PRKAR1B: variants seen among roughly 807,000 people sequenced by gnomAD.
PRKAR1B encodes the protein protein kinase cAMP-dependent type I regulatory subunit beta.
PRKAR1B carries 22 observed loss-of-function variants against 46.5 expected under a neutral mutation model. The ratio of observed to expected loss-of-function variants is 0.47; its 90% CI spans 0.34 to 0.68. The LOEUF is 0.68. Among genes scored for constraint, PRKAR1B ranks in the 30% least tolerant of loss-of-function variants. PRKAR1B has a pLI of 0.01. For synonymous variants in PRKAR1B, 259 were observed against 217.7 expected, an observed-to-expected ratio of 1.19 and a Z score of -1.67; for missense variants, 445 against 535.6, an observed-to-expected ratio of 0.83 and a Z score of 1.67.
intron 4 of PRKAR1B, among the ~76,000 whole-genome samples, chr7:652,010 G>A (rs1286836778): frequency 1.2e-5 from 1 of 82,068 alleles, no homozygotes. Flanking sequence ...AGGAACCTGG[G>A]GAAACCCCTC....
At chr7:614,312 C>T (rs1039724802) in intron 4 of PRKAR1B, among the ~76,000 whole-genome samples, 2 of 152,228 alleles carry the variant, frequency 1.3e-5, no homozygotes, top group Non-Finnish European at 2.9e-5. Flanking sequence ...TGGTGGAACA[C>T]GGCTAAGACC....
At chr7:618,213 A>C (rs1782937068) in intron 4 of PRKAR1B, among the ~76,000 whole-genome samples, 2 of 152,198 alleles carry the variant, frequency 1.3e-5, no homozygotes, top group African/African-American at 4.8e-5. Context: ...CTGGGGCCAC[A>C]GGGCAGCAAA....
intron 9 of PRKAR1B, among the ~76,000 whole-genome samples, chr7:553,801 C>A (rs1182748910): frequency 6.6e-6 from 1 of 152,262 alleles, no homozygotes; most frequent in African/African-American, 2.4e-5. Context: ...CAGGCACCAA[C>A]TGGCAGCCCC....
chr7:663,025 G>T (rs1190628357), intron 4 of PRKAR1B, among the ~76,000 whole-genome samples: 1 of 152,114 alleles, frequency 6.6e-6, no homozygotes, highest in Admixed American at 6.5e-5. Flanking sequence ...CCTGAAAGAG[G>T]CCCCAAGACA....
chr7:689,535 G>A (rs1326479833), intron 2 of PRKAR1B, among the ~76,000 whole-genome samples: 1 of 152,062 alleles, frequency 6.6e-6, no homozygotes, highest in Non-Finnish European at 1.5e-5. Context: ...GAGTAACCCA[G>A]GATACATTAA....
In PRKAR1B at chr7:598,106, G is replaced by A. The variant is rs138864683; in HGVS notation, c.550-1802C>T. On this transcript the variant is annotated intron_variant, in intron 6 of 10. Coordinates refer to ENST00000537384, the MANE Select transcript of PRKAR1B (RefSeq NM_001164760.2). ...GACATGCACGCCTGGGGTGGCAGTCGCCACTGGCACAGCTTCAGGAGGCAT... is the reference window on the plus strand; with the variant it reads ...GACATGCACGCCTGGGGTGGCAGTCACCACTGGCACAGCTTCAGGAGGCAT... 2.4e-3 allele frequency among the ~76,000 whole-genome samples: 366 copies of A among 152,232 alleles called. 1 individual carries two copies. Among genetic ancestry groups the A allele is most frequent in the African/African-American group, 8.1e-3 (335 of 41,538 alleles).
At chr7:607,089 C>T (rs1467214021) in intron 5 of PRKAR1B, among the ~76,000 whole-genome samples, 3 of 152,094 alleles carry the variant, frequency 2.0e-5, no homozygotes, top group Admixed American at 1.3e-4. Flanking sequence ...CTGCAACCTC[C>T]GCCTCCCAGG....
At chr7:665,545 T>A (rs1785863282) in intron 4 of PRKAR1B, among the ~76,000 whole-genome samples, 1 of 152,206 alleles carries the variant, frequency 6.6e-6, no homozygotes, top group African/African-American at 2.4e-5. Flanking sequence ...TGGCCCCTGA[T>A]TTGCTAACCT....
At chr7:668,360 G>A (rs969762668) in intron 4 of PRKAR1B, among the ~76,000 whole-genome samples, 52 of 152,188 alleles carry the variant, frequency 3.4e-4, no homozygotes, top group African/African-American at 1.2e-3. Flanking sequence ...GAGACATCAC[G>A]TGAAAGGTCC....
intron 8 of PRKAR1B, among the ~76,000 whole-genome samples, chr7:581,739 A>AG (rs1757744635): frequency 6.6e-6 from 1 of 152,134 alleles, no homozygotes; most frequent in South Asian, 2.1e-4. Context: ...TTCAAGAGAC[A>AG]GGGTCTCGCT....
chr7:594,032 A>C (rs189180241), intron 7 of PRKAR1B, among the ~76,000 whole-genome samples: 12 of 152,068 alleles, frequency 7.9e-5, no homozygotes, highest in Admixed American at 7.2e-4. Context: ...CTTGTTCCCC[A>C]ATCAGACGAC....
rs1452673756 is a variant in PRKAR1B, at chr7:593,504, A to T, written c.708+2642T>A. ...TGGTTTGGGAACTTCCCTGAATATAAGGTTCCAGCCACAAAAATCCCCCAG... is the reference window on the plus strand; with the variant it reads ...TGGTTTGGGAACTTCCCTGAATATATGGTTCCAGCCACAAAAATCCCCCAG... On this transcript the variant is annotated intron_variant, in intron 7 of 10. Coordinates refer to ENST00000537384, the MANE Select transcript of PRKAR1B (RefSeq NM_001164760.2). This position sits in a 1 kb window ranked among gnomAD's most constrained non-coding sequence, Gnocchi z 6.1. Among the ~76,000 whole-genome samples the T allele has an allele frequency of 2.6e-5, 4 of 152,142 alleles. No homozygotes were observed. Among genetic ancestry groups the T allele is most frequent in the Non-Finnish European group, 4.4e-5 (3 of 68,016 alleles).
chr7:724,638 C>T (rs1470709638), intron 1 of PRKAR1B, among the ~76,000 whole-genome samples: 1 of 152,234 alleles, frequency 6.6e-6, no homozygotes, highest in African/African-American at 2.4e-5. Context: ...TCATATTTCA[C>T]CTCTGCTACC....
chr7:687,989 G>C lies in PRKAR1B; in HGVS notation c.178-7263C>G, dbSNP rs368736719. The stretch of plus-strand genomic sequence containing the variant: ...CAGGCACCTGTAATTCCAGCTCCTC[G>C]GGAGGCTCAGGCAGGAGAATCATTT... On this transcript the variant is annotated intron_variant, in intron 2 of 10. Coordinates refer to ENST00000537384, the MANE Select transcript of PRKAR1B (RefSeq NM_001164760.2). 2.6e-5 allele frequency among the ~76,000 whole-genome samples: 4 copies of C among 151,420 alleles called. No individual in the cohort carries two copies. In the South Asian group the frequency reaches 6.3e-4, roughly 24 times the overall value.
intron 4 of PRKAR1B, among the ~76,000 whole-genome samples, chr7:609,743 CTTT>C (rs566324426): frequency 6.6e-6 from 1 of 151,972 alleles, no homozygotes; most frequent in Non-Finnish European, 1.5e-5. Flanking sequence ...GCCTAGTATT[CTTT>C]TTTTTCTTTT....
intron 2 of PRKAR1B, among the ~76,000 whole-genome samples, chr7:708,630 G>C (rs747083460): frequency 2.6e-5 from 4 of 152,074 alleles, no homozygotes; most frequent in Admixed American, 2.0e-4. Flanking sequence ...GGGATTACAG[G>C]CACATGCCAC....
At chr7:608,240 A>G (rs1782226086) in intron 4 of PRKAR1B, 1 of 152,284 alleles carries the variant, frequency 6.6e-6, no homozygotes, top group South Asian at 2.1e-4. Flanking sequence ...CTCAGCCCAC[A>G]ATGTGACGCA....
At chr7:585,634 G>A (rs890197323) in intron 7 of PRKAR1B, among the ~76,000 whole-genome samples, 7 of 152,016 alleles carry the variant, frequency 4.6e-5, no homozygotes, top group African/African-American at 1.2e-4. Flanking sequence ...TGTGTTGAAC[G>A]CCCACTCCAG....
At chr7:712,969 T>A (rs1268746013) in intron 1 of PRKAR1B, 1 of 152,164 alleles carries the variant, frequency 6.6e-6, no homozygotes, top group Non-Finnish European at 1.5e-5. Context: ...CAGCCCCGCT[T>A]CCCCAGGTGA....
Sources: gnomAD v4.1 joint callset for allele counts (sites outside exome capture counted in the v4.1 genomes callset) on GRCh38, gnomAD v4.1.1 for gene constraint, Gnocchi (gnomAD v3.1) non-coding constraint, MANE v1.5 for transcripts, NCBI Gene and HGNC (gene_info 2026-07-23, HGNC 2026-07-21) for gene names.